Variants in RANBP17 observed in about 807,000 individuals in gnomAD.
The protein encoded by RANBP17 is ran-binding protein 17.
Under a neutral mutation model 141.2 loss-of-function variants are expected in RANBP17, and 158 were observed. The observed-to-expected ratio is 1.12, with a 90% CI of 0.98 to 1.28. The LOEUF is 1.28. RANBP17 is among the 50% of genes most tolerant of loss of function. The probability of loss-of-function intolerance (pLI) is 0.00; values close to 1 mark genes in which losing one functional copy is unlikely to be tolerated. For synonymous variants in RANBP17, 430 were observed against 450.0 expected (o/e 0.96, Z 0.56); for missense variants, 1,438 against 1,290.7 (o/e 1.11, Z -1.75).
intron 1 of RANBP17, chr5:170,863,342 A>G (rs1205396708): frequency 1.3e-5 from 2 of 152,274 alleles, no homozygotes; most frequent in South Asian, 2.1e-4. Flanking sequence ...GTGACAGTGT[A>G]TCTAAGAATC....
intron 12 of RANBP17, among the ~76,000 whole-genome samples, chr5:170,930,566 C>G (rs1001114311): frequency 2.0e-5 from 3 of 151,966 alleles, no homozygotes; most frequent in Non-Finnish European, 2.9e-5. Context: ...CCCGCTCCCC[C>G]CACTCCCCGG....
chr5:171,143,546 G>A (rs1757843794), intron 14 of RANBP17: 1 of 152,140 alleles, frequency 6.6e-6, no homozygotes, highest in Non-Finnish European at 1.5e-5. Context: ...ACAGATGGCA[G>A]TTTAAGGCCT....
intron 14 of RANBP17, among the ~76,000 whole-genome samples, chr5:171,138,800 A>G (rs1331649681): frequency 6.6e-6 from 1 of 152,190 alleles, no homozygotes; most frequent in Non-Finnish European, 1.5e-5. Flanking sequence ...GGCCAGGTGC[A>G]ATGGTTCACA....
intron 14 of RANBP17, among the ~76,000 whole-genome samples, chr5:171,162,901 A>G (rs1343459902): frequency 6.6e-6 from 1 of 152,124 alleles, no homozygotes; most frequent in Non-Finnish European, 1.5e-5. Context: ...TTTCTTATAC[A>G]ATAGCTTATT....
chr5:171,001,291 G>A (rs1029936705), intron 14 of RANBP17, among the ~76,000 whole-genome samples: 4 of 152,086 alleles, frequency 2.6e-5, no homozygotes, highest in Admixed American at 6.5e-5. Flanking sequence ...GCCTGAATGC[G>A]GTTTTGTATG....
intron 11 of RANBP17, among the ~76,000 whole-genome samples, chr5:170,920,500 T>A (rs1772354609): frequency 7.8e-6 from 1 of 127,430 alleles, no homozygotes; most frequent in South Asian, 3.8e-4. Context: ...TTTAATTGGG[T>A]TGTATATTTT....
chr5:171,040,709 A>G (rs1472679284), intron 14 of RANBP17, among the ~76,000 whole-genome samples: 1 of 152,192 alleles, frequency 6.6e-6, no homozygotes, highest in African/African-American at 2.4e-5. Context: ...CCTTAGGAGA[A>G]GCTTGAGGTT....
intron 14 of RANBP17, among the ~76,000 whole-genome samples, chr5:171,086,327 G>C (rs1041477593): frequency 3.3e-5 from 5 of 151,178 alleles, no homozygotes; most frequent in South Asian, 2.1e-4. Flanking sequence ...CTTGATCATG[G>C]TGGATAAGCG....
chr5:171,044,182 T>G (rs1388563802), intron 14 of RANBP17, among the ~76,000 whole-genome samples: 1 of 152,080 alleles, frequency 6.6e-6, no homozygotes, highest in African/African-American at 2.4e-5. Flanking sequence ...CCTATGAGTA[T>G]TAATATATAT....
At chr5:170,895,346 G>C (rs1770025701) in intron 4 of RANBP17, among the ~76,000 whole-genome samples, 1 of 152,128 alleles carries the variant, frequency 6.6e-6, no homozygotes, top group Admixed American at 6.5e-5. Flanking sequence ...CATAATTCCA[G>C]TATGATTTCA....
intron 14 of RANBP17, among the ~76,000 whole-genome samples, chr5:171,159,400 G>A (rs1273308949): frequency 6.6e-6 from 1 of 152,124 alleles, no homozygotes; most frequent in Non-Finnish European, 1.5e-5. Flanking sequence ...AGTCACAAAA[G>A]AACTAAGCTA....
intron 14 of RANBP17, among the ~76,000 whole-genome samples, chr5:171,152,396 G>A (rs568227291): frequency 1.4e-4 from 21 of 148,880 alleles, no homozygotes; most frequent in African/African-American, 5.2e-4. Context: ...CAGTCTGGGC[G>A]ACAGAACGAG....
At chr5:170,869,284 T>C (rs1364312152) in intron 1 of RANBP17, among the ~76,000 whole-genome samples, 2 of 152,104 alleles carry the variant, frequency 1.3e-5, no homozygotes, top group Non-Finnish European at 2.9e-5. Flanking sequence ...TGCCATTAAA[T>C]TGATTACTAT....
intron 14 of RANBP17, among the ~76,000 whole-genome samples, chr5:171,103,321 G>A (rs1787307339): frequency 6.6e-6 from 1 of 152,168 alleles, no homozygotes; most frequent in African/African-American, 2.4e-5. Flanking sequence ...ATCTGGAGAG[G>A]CAGTCTGGCT....
At chr5:171,000,479 C>CT (rs1779125295) in intron 14 of RANBP17, among the ~76,000 whole-genome samples, 1 of 152,150 alleles carries the variant, frequency 6.6e-6, no homozygotes, top group Admixed American at 6.5e-5. Context: ...TATAGTCAAG[C>CT]TTTTTAACTT....
At chr5:171,236,080 T>G (rs1764526982) in intron 22 of RANBP17, among the ~76,000 whole-genome samples, 1 of 152,192 alleles carries the variant, frequency 6.6e-6, no homozygotes, top group Admixed American at 6.5e-5. Context: ...TCCCACACCA[T>G]TTATGTCCAG....
intron 12 of RANBP17, among the ~76,000 whole-genome samples, chr5:170,949,573 C>G (rs1436747966): frequency 2.0e-5 from 3 of 152,156 alleles, no homozygotes; most frequent in Non-Finnish European, 4.4e-5. Context: ...AAGAAAACTA[C>G]AAGTGTTGGC....
chr5:171,030,419 C>T (rs942252096), intron 14 of RANBP17, among the ~76,000 whole-genome samples: 13 of 151,826 alleles, frequency 8.6e-5, no homozygotes, highest in African/African-American at 2.7e-4. Flanking sequence ...GTTTCTATCT[C>T]GTTATGTTTG....
At chr5:171,202,587 T>C (rs1698469141) in intron 19 of RANBP17, among the ~76,000 whole-genome samples, 1 of 152,236 alleles carries the variant, frequency 6.6e-6, no homozygotes, top group Non-Finnish European at 1.5e-5. Flanking sequence ...CTTTGATCCC[T>C]GTAGCAGTTC....
Sources: gnomAD v4.1 joint callset for allele counts (sites outside exome capture counted in the v4.1 genomes callset) on GRCh38, gnomAD v4.1.1 for gene constraint, MANE v1.5 for transcripts, NCBI Gene and HGNC (gene_info 2026-07-23, HGNC 2026-07-21) for gene names.